Variants in PLEKHG5 observed in about 807,000 individuals in gnomAD.
PLEKHG5 encodes the protein pleckstrin homology and RhoGEF domain containing G5.
A neutral mutation model predicts 103.8 loss-of-function variants in PLEKHG5; 52 were observed. The observed-to-expected ratio is 0.50, with a 90% CI of 0.40 to 0.63. PLEKHG5 has a LOEUF of 0.63. Among genes scored for constraint, PLEKHG5 ranks in the 30% least tolerant of loss-of-function variants. The pLI is 0.00. For missense variants in PLEKHG5, 1,205 were observed against 1,347.6 expected (o/e 0.89, Z 1.66); for synonymous variants, 592 against 575.5 (o/e 1.03, Z -0.41).
upstream of PLEKHG5, among the ~76,000 whole-genome samples, chr1:6,498,236 G>A (rs565401116): frequency 6.6e-6 from 1 of 152,286 alleles, no homozygotes; most frequent in African/African-American, 2.4e-5. Flanking sequence ...CAAGACCTAG[G>A]TATAGAAGAT....
chr1:6,474,815 C>T, intron 5 of PLEKHG5: 2 of 656,628 alleles, frequency 3.0e-6, no homozygotes, highest in Non-Finnish European at 2.7e-6. Flanking sequence ...CACGCCTGCC[C>T]ACACGCAGGC....
At chr1:6,478,163 C>T (rs770187246) in intron 1 of PLEKHG5, among the ~76,000 whole-genome samples, 3 of 152,150 alleles carry the variant, frequency 2.0e-5, no homozygotes, top group South Asian at 2.1e-4. Context: ...GGATTACAGG[C>T]GTGAGCCACC....
chr1:6,484,475 G>C (rs951687153), intron 1 of PLEKHG5, among the ~76,000 whole-genome samples: 3 of 152,226 alleles, frequency 2.0e-5, no homozygotes, highest in Non-Finnish European at 4.4e-5. Flanking sequence ...GGTTGACGAT[G>C]AAGTTCTGGA....
chr1:6,489,034 G>A (rs1645094099), intron 1 of PLEKHG5, among the ~76,000 whole-genome samples: 1 of 152,134 alleles, frequency 6.6e-6, no homozygotes, highest in African/African-American at 2.4e-5. Flanking sequence ...GGACTTCCCT[G>A]TCCAGGAAAG....
upstream of PLEKHG5, chr1:6,496,708 A>C (rs1645230960): frequency 1.7e-6 from 1 of 601,176 alleles, no homozygotes; most frequent in Non-Finnish European, 2.8e-6. Context: ...TTTCTCTTTT[A>C]AATGCCAACT....
rs1178828091 is a variant in PLEKHG5, at chr1:6,475,214, TCCCACCCTCCTTCCCAACCCTCCTC to T, written c.211-101_211-77del. The T allele has an allele frequency of 1.0e-4, 58 of 565,264 alleles. 1 individual carries two copies. The highest frequency in any genetic ancestry group is 3.6e-4 in the East Asian group (7 of 19,316). 35.0% of individuals were successfully genotyped at this position (565,264 alleles called of 1,614,324 possible). A position where few individuals can be genotyped will look rare whatever the true frequency, so the allele number is the denominator to read the frequency against. On this transcript the variant is annotated intron_variant, in intron 4 of 20. Coordinates refer to ENST00000377728, the MANE Select transcript of PLEKHG5 (RefSeq NM_020631.6). ...TTCCCGCCCTCCTCCCCACCCTCCT[TCCCACCCTCCTTCCCAACCCTCCTC>T]CCCACCCTCCTTCCCACCCTCCTTC...
At chr1:6,489,071 C>A (rs889899507) in intron 1 of PLEKHG5, among the ~76,000 whole-genome samples, 21 of 152,192 alleles carry the variant, frequency 1.4e-4, no homozygotes, top group African/African-American at 4.8e-4. Flanking sequence ...CAGCTCCAGG[C>A]TCTGCCGACA....
chr1:6,497,850 C>G (rs1645251141), upstream of PLEKHG5, among the ~76,000 whole-genome samples: 1 of 152,186 alleles, frequency 6.6e-6, no homozygotes, highest in Non-Finnish European at 1.5e-5. The surrounding 1 kb of genome is among the most constrained non-coding windows in gnomAD (Gnocchi z 6.1). Context: ...CAGTTTTAAA[C>G]TTTATTGAAG....
At position 6,472,577 on chromosome 1, in the gene PLEKHG5, G is replaced by A; in HGVS notation, c.1030C>T (p.Leu344=). ...ATGTAGGAGGCCTCCGTGTGCAGCAGCTCCCACACCGCCTCCTGCTGGTGG... is the reference window on the plus strand; with the variant it reads ...ATGTAGGAGGCCTCCGTGTGCAGCAACTCCCACACCGCCTCCTGCTGGTGG... The part of the protein sequence containing the change: ...QCHQQEAVWE[L]LHTEASYIRK... The change falls in exon 10 of 21, where the codon CTG becomes TTG. Residue 344 remains leucine, a synonymous_variant. Coordinates refer to ENST00000377728, the MANE Select transcript of PLEKHG5 (RefSeq NM_020631.6). The A allele has an allele frequency of 6.2e-7, 1 of 1,613,698 alleles. No individual in the cohort carries two copies. Among genetic ancestry groups the A allele is most frequent in the Non-Finnish European group, 8.5e-7 (1 of 1,179,872 alleles).
At chr1:6,515,371 C>T (rs928948156) in intron 1 of PLEKHG5, among the ~76,000 whole-genome samples, 2 of 151,562 alleles carry the variant, frequency 1.3e-5, no homozygotes, top group Non-Finnish European at 2.9e-5. Flanking sequence ...ACTACAAATA[C>T]CAAAAATTAG....
intron 7 of PLEKHG5, 32 bp downstream of exon 7, chr1:6,473,980 AC>A: frequency 3.9e-6 from 2 of 515,888 alleles, no homozygotes; most frequent in Non-Finnish European, 6.4e-6. Context: ...GCCCCTTCCC[AC>A]CCCCTCCCCT....
intron 1 of PLEKHG5, among the ~76,000 whole-genome samples, chr1:6,479,528 C>T (rs541324026): frequency 1.3e-5 from 2 of 152,128 alleles, no homozygotes; most frequent in East Asian, 3.9e-4. Flanking sequence ...CCTCGTGATC[C>T]GCCCACCTCG....
At chr1:6,509,131 G>T (rs1479541006) in intron 1 of PLEKHG5, among the ~76,000 whole-genome samples, 3 of 152,246 alleles carry the variant, frequency 2.0e-5, no homozygotes, top group African/African-American at 7.2e-5. Context: ...ACGGCCTCTG[G>T]ACAGGAAGAT....
At chr1:6,515,461 G>A (rs1638588265) in intron 1 of PLEKHG5, among the ~76,000 whole-genome samples, 1 of 151,862 alleles carries the variant, frequency 6.6e-6, no homozygotes, top group African/African-American at 2.4e-5. Context: ...CAGGAGGTGG[G>A]GGTTGTAGTG....
rs1247850678 is a variant in PLEKHG5 at position 6,477,523 on chromosome 1, G to A, written c.43+6C>T. The A allele has an allele frequency of 1.2e-6, 2 of 1,611,136 alleles. No individual in the cohort carries two copies. The highest frequency in any genetic ancestry group is 1.7e-6 in the Non-Finnish European group (2 of 1,179,890). On this transcript the variant is annotated splice_donor_region_variant and intron_variant, in intron 2 of 20. Transcript: ENST00000377728. ...GGGCCGAGCTGCGGCTCCCGCCTGTGCTCACCTTGTGGGGGAAGGTCGAAG... is the reference window on the plus strand; with the variant it reads ...GGGCCGAGCTGCGGCTCCCGCCTGTACTCACCTTGTGGGGGAAGGTCGAAG...
In PLEKHG5 at chr1:6,473,382, T is replaced by TG. The variant is rs1224270266; in HGVS notation, c.663dup (p.Thr222HisfsTer76). ...CTGGGCAGAGAGCAGCTGGAGGGCG[T>TG]GGGGGGCTCCTGCCCGGGGATGCTC... On this transcript the variant is annotated frameshift_variant, in exon 8 of 21. Coordinates refer to ENST00000377728, the MANE Select transcript of PLEKHG5 (RefSeq NM_020631.6). LOFTEE classifies it high-confidence loss of function. 6.5e-7 allele frequency: 1 copy of TG among 1,547,578 alleles called. No individual in the cohort carries two copies. The highest frequency in any genetic ancestry group is 1.2e-5 in the South Asian group (1 of 84,026).
chr1:6,519,395 T>C lies in PLEKHG5; in HGVS notation c.-165+50A>G, dbSNP rs752197089. ...ACCTGCAAAGCCCCTCCTTTCACTCTGTGTCCTCAAACCTCCTTTCTAGAC... is the reference window on the plus strand; with the variant it reads ...ACCTGCAAAGCCCCTCCTTTCACTCCGTGTCCTCAAACCTCCTTTCTAGAC... On this transcript the variant is annotated intron_variant, in intron 1 of 21. Coordinates refer to the PLEKHG5 transcript ENST00000377740. The C allele has an allele frequency of 5.7e-6, 8 of 1,409,230 alleles. No individual in the cohort carries two copies. The African/African-American group carries it at 1.1e-4, about 20-fold the overall frequency. 87.3% of individuals were successfully genotyped at this position (1,409,230 alleles called of 1,614,324 possible). A position where few individuals can be genotyped will look rare whatever the true frequency, so the allele number is the denominator to read the frequency against.
chr1:6,471,441 C>G, intron 12 of PLEKHG5, 47 bp downstream of exon 12: 1 of 1,586,604 alleles, frequency 6.3e-7, no homozygotes, highest in Non-Finnish European at 8.6e-7. Flanking sequence ...TTTTCGGCGC[C>G]CCAGCCCTGC....
chr1:6,489,255 T>A (rs952240610), intron 1 of PLEKHG5, among the ~76,000 whole-genome samples: 1 of 151,828 alleles, frequency 6.6e-6, no homozygotes, highest in South Asian at 2.1e-4. Context: ...CAGGGCGGGG[T>A]GGCTTTGCCA....
Sources: gnomAD v4.1 joint callset for allele counts (sites outside exome capture counted in the v4.1 genomes callset) on GRCh38, gnomAD v4.1.1 for gene constraint, Gnocchi (gnomAD v3.1) non-coding constraint, MANE v1.5 for transcripts, NCBI Gene and HGNC (gene_info 2026-07-23, HGNC 2026-07-21) for gene names.